The following MECOM variants were observed in gnomAD, a reference collection of about 807,000 sequenced individuals.
MECOM encodes histone-lysine N-methyltransferase MECOM.
In MECOM, 13 loss-of-function variants were observed where a neutral mutation model predicts 116.3. The ratio of observed to expected loss-of-function variants is 0.11; its 90% CI spans 0.07 to 0.18. The LOEUF is 0.18. Ranked by LOEUF, MECOM falls within the 10% of genes least tolerant of loss-of-function variation. MECOM has a pLI of 1.00. For missense variants in MECOM, 1,299 were observed against 1,509.0 expected, an observed-to-expected ratio of 0.86 and a Z score of 2.31; for synonymous variants, 528 against 535.2, an observed-to-expected ratio of 0.99 and a Z score of 0.19.
intron 2 of MECOM, among the ~76,000 whole-genome samples, chr3:169,241,368 A>G (rs1754790081): frequency 6.6e-6 from 1 of 152,152 alleles, no homozygotes; most frequent in South Asian, 2.1e-4. Flanking sequence ...CCTAAATCTT[A>G]GGGTTCATGA....
chr3:169,088,346 A>G (rs1038713749), intron 16 of MECOM, among the ~76,000 whole-genome samples: 1 of 152,208 alleles, frequency 6.6e-6, no homozygotes, highest in Non-Finnish European at 1.5e-5. Flanking sequence ...TGGACCCTTA[A>G]ATAGATTTAT....
At chr3:169,409,528 T>C (rs961028592) in intron 1 of MECOM, among the ~76,000 whole-genome samples, 2 of 152,232 alleles carry the variant, frequency 1.3e-5, no homozygotes, top group African/African-American at 4.8e-5. Flanking sequence ...GTACATTTTG[T>C]AACATTTTAC....
chr3:169,231,181 A>T (rs1256026785), intron 2 of MECOM, among the ~76,000 whole-genome samples: 1 of 152,150 alleles, frequency 6.6e-6, no homozygotes, highest in African/African-American at 2.4e-5. Flanking sequence ...TGTCTATTGA[A>T]TAAAATTGGA....
chr3:169,636,236 C>T (rs1221104107), intron 1 of MECOM, among the ~76,000 whole-genome samples: 3 of 152,130 alleles, frequency 2.0e-5, no homozygotes, highest in Non-Finnish European at 4.4e-5. Context: ...TTTTCATCAC[C>T]TTATCCACAC....
At chr3:169,357,498 T>A (rs1055302087) in intron 2 of MECOM, among the ~76,000 whole-genome samples, 2 of 151,836 alleles carry the variant, frequency 1.3e-5, no homozygotes, top group Non-Finnish European at 2.9e-5. Context: ...AATATTAAAA[T>A]TAAGAGGCAA....
chr3:169,250,034 A>G (rs895505853), intron 2 of MECOM, among the ~76,000 whole-genome samples: 27 of 152,144 alleles, frequency 1.8e-4, no homozygotes, highest in African/African-American at 6.0e-4. Flanking sequence ...CACCAACCCA[A>G]TGGATCCGTT....
At chr3:169,538,347 C>T (rs954989687) in intron 1 of MECOM, among the ~76,000 whole-genome samples, 1 of 152,152 alleles carries the variant, frequency 6.6e-6, no homozygotes, top group Admixed American at 6.6e-5. Flanking sequence ...CCAAAATTCT[C>T]TCCACACTAT....
intron 2 of MECOM, among the ~76,000 whole-genome samples, chr3:169,369,838 TAATA>T (rs1164586252): frequency 6.6e-6 from 1 of 152,052 alleles, no homozygotes; most frequent in African/African-American, 2.4e-5. Flanking sequence ...TTGCAAAGCT[TAATA>T]AATACTTTGT....
intron 1 of MECOM, among the ~76,000 whole-genome samples, chr3:169,443,885 A>G (rs981599848): frequency 1.3e-5 from 2 of 152,126 alleles, no homozygotes; most frequent in Non-Finnish European, 2.9e-5. Flanking sequence ...TCTCAGCACT[A>G]GACAGTTAGC....
chr3:169,552,072 C>G (rs556018902), intron 1 of MECOM, among the ~76,000 whole-genome samples: 10 of 151,860 alleles, frequency 6.6e-5, no homozygotes, highest in African/African-American at 2.2e-4. Flanking sequence ...GTAAAGGCTT[C>G]TTTTTAGGAG....
At chr3:169,297,190 A>G (rs1044672863) in intron 2 of MECOM, among the ~76,000 whole-genome samples, 1 of 152,232 alleles carries the variant, frequency 6.6e-6, no homozygotes, top group African/African-American at 2.4e-5. Flanking sequence ...GTATGTCAAA[A>G]TTGCCATGTG....
intron 2 of MECOM, among the ~76,000 whole-genome samples, chr3:169,282,656 T>C (rs1353826637): frequency 6.6e-6 from 1 of 152,154 alleles, no homozygotes. Context: ...CCAAACAAGA[T>C]GGCCAGGCCC....
chr3:169,466,173 C>T (rs1469394570), intron 1 of MECOM, among the ~76,000 whole-genome samples: 1 of 152,156 alleles, frequency 6.6e-6, no homozygotes, highest in Non-Finnish European at 1.5e-5. Flanking sequence ...TCCATCAGTC[C>T]AACAGGCAGC....
At chr3:169,640,367 GTCT>G (rs1773314243) in intron 1 of MECOM, among the ~76,000 whole-genome samples, 1 of 152,150 alleles carries the variant, frequency 6.6e-6, no homozygotes, top group South Asian at 2.1e-4. Context: ...GTGTTGAAAA[GTCT>G]TCTCCAAAAC....
chr3:169,303,064 C>T (rs996747947), intron 2 of MECOM, among the ~76,000 whole-genome samples: 2 of 152,046 alleles, frequency 1.3e-5, no homozygotes, highest in African/African-American at 2.4e-5. Context: ...CTTTCTAAGA[C>T]AATGATCACC....
intron 2 of MECOM, among the ~76,000 whole-genome samples, chr3:169,191,784 A>AAG (rs1747719824): frequency 1.4e-5 from 2 of 143,960 alleles, no homozygotes; most frequent in Non-Finnish European, 3.0e-5. Flanking sequence ...GAAAGAAAGA[A>AAG]AGAAAGAAAG....
chr3:169,561,862 T>G (rs1382234072), intron 1 of MECOM, among the ~76,000 whole-genome samples: 1 of 152,084 alleles, frequency 6.6e-6, no homozygotes, highest in Non-Finnish European at 1.5e-5. Flanking sequence ...AATGAGCACC[T>G]AGGCTGGGCA....
intron 2 of MECOM, among the ~76,000 whole-genome samples, chr3:169,270,670 G>A (rs1021713400): frequency 2.6e-5 from 4 of 152,066 alleles, no homozygotes; most frequent in African/African-American, 9.7e-5. Flanking sequence ...GCTACATTCA[G>A]TAGGGTTTTT....
intron 1 of MECOM, among the ~76,000 whole-genome samples, chr3:169,576,796 TACACACACACACACACACACACACAC>T (rs373881811): frequency 1.3e-4 from 18 of 136,592 alleles, no homozygotes; most frequent in African/African-American, 4.9e-4. Context: ...CTTCCTGTTT[TACACACACACACACACACACACACAC>T]ACACACACAC....
Sources: gnomAD v4.1 joint callset for allele counts (sites outside exome capture counted in the v4.1 genomes callset) on GRCh38, gnomAD v4.1.1 for gene constraint, MANE v1.5 for transcripts, NCBI Gene and HGNC (gene_info 2026-07-23, HGNC 2026-07-21) for gene names.